Variants in HS1BP3 observed in about 807,000 individuals in gnomAD.
HS1BP3 encodes the protein HCLS1 binding protein 3, also known as HCLS1-binding protein 3.
In HS1BP3, 32 loss-of-function variants were observed where a neutral mutation model predicts 33.5. That is an observed-to-expected ratio of 0.95 (90% confidence interval 0.72 to 1.28). The LOEUF is 1.28. Ranked by LOEUF, HS1BP3 falls within the 50% of genes most tolerant of loss-of-function variation. The pLI, the probability that HS1BP3 is intolerant of heterozygous loss-of-function variation, is 0.00. For missense variants in HS1BP3, 486 were observed against 502.3 expected (o/e 0.97, Z 0.31); for synonymous variants, 187 against 209.2 (o/e 0.89, Z 0.92).
chr2:20,592,999 T>G (rs1693854797), intron 3 of HS1BP3, among the ~76,000 whole-genome samples: 1 of 152,186 alleles, frequency 6.6e-6, no homozygotes. Flanking sequence ...CATTACTCTG[T>G]GCTTCAAGGC....
At chr2:20,640,753 T>G (rs1401215166) in intron 3 of HS1BP3, 3 of 617,586 alleles carry the variant, frequency 4.9e-6, no homozygotes, top group East Asian at 5.5e-5. Context: ...GCCTGCTGTG[T>G]GAGCCCCCAC....
chr2:20,629,299 C>A (rs10175012), intron 4 of HS1BP3, among the ~76,000 whole-genome samples: 13,749 of 152,206 alleles, frequency 0.09, 667 homozygotes, highest in South Asian at 0.15. Context: ...CAATCCTCTC[C>A]TCCCTGGTCC....
At chr2:20,565,542 C>A (rs949253614) in intron 5 of HS1BP3, among the ~76,000 whole-genome samples, 5 of 152,234 alleles carry the variant, frequency 3.3e-5, no homozygotes, top group Non-Finnish European at 5.9e-5. Context: ...TTGACCCTGG[C>A]AGCCATCTGT....
rs550274631 is a variant in HS1BP3, at chr2:20,604,000, G to C, written c.179-5735C>G. Among the ~76,000 whole-genome samples the C allele has an allele frequency of 2.0e-5, 3 of 152,336 alleles. No individual in the cohort carries two copies. The East Asian group carries it at 5.8e-4, about 29-fold the overall frequency. On this transcript the variant is annotated intron_variant, in intron 2 of 3. Coordinates refer to the HS1BP3 transcript ENST00000415264. Reference sequence around the variant, plus strand: ...GAGCTCGGTAGGAGCCCAGTCCGCTGCTTCCCAGAGGGCCCTCCAAGACCC... The same window carrying C: ...GAGCTCGGTAGGAGCCCAGTCCGCTCCTTCCCAGAGGGCCCTCCAAGACCC...
At chr2:20,555,207 G>C in the HS1BP3 span, among the ~76,000 whole-genome samples, 1 of 152,188 alleles carries the variant, frequency 6.6e-6, no homozygotes, top group African/African-American at 2.4e-5. Flanking sequence ...CCAAAACAAG[G>C]CCTTTATCTG....
In HS1BP3 at chr2:20,621,308, T is replaced by C. The variant is rs1694594766; in HGVS notation, c.921-2063A>G. Among the ~76,000 whole-genome samples, 4 of 152,250 alleles carry C rather than the reference T, an allele frequency of 2.6e-5. No homozygotes were observed. In the South Asian group the frequency reaches 8.3e-4, roughly 31 times the overall value. The stretch of plus-strand genomic sequence containing the variant: ...CCGGACACCCTGCCTGCTTCCTGGC[T>C]CAACCTCCTGTGATGGGGCACAAAC... On this transcript the variant is annotated intron_variant, in intron 6 of 6. Transcript: ENST00000304031.
At chr2:20,628,100 C>T (rs1486067907) in intron 4 of HS1BP3, among the ~76,000 whole-genome samples, 8 of 152,162 alleles carry the variant, frequency 5.3e-5, no homozygotes, top group African/African-American at 1.7e-4. Flanking sequence ...ATCTCCTGGC[C>T]GACTCCACTG....
chr2:20,632,067 C>T (rs1694986100), intron 4 of HS1BP3, among the ~76,000 whole-genome samples: 1 of 152,204 alleles, frequency 6.6e-6, no homozygotes, highest in Admixed American at 6.5e-5. Context: ...CAAACATGCC[C>T]CACTTCCTGC....
chr2:20,557,808 T>C (rs1286340926), downstream of HS1BP3, among the ~76,000 whole-genome samples: 7 of 152,216 alleles, frequency 4.6e-5, no homozygotes, highest in Admixed American at 4.6e-4. Context: ...TGCAGAACCC[T>C]GCAGGGGCCA....
At chr2:20,599,465 A>G (rs1694020564) in intron 2 of HS1BP3, among the ~76,000 whole-genome samples, 1 of 152,208 alleles carries the variant, frequency 6.6e-6, no homozygotes, top group South Asian at 2.1e-4. Flanking sequence ...AGGTATTTTA[A>G]AATCAGATTT....
chr2:20,571,417 C>G (rs1271486837), intron 5 of HS1BP3, among the ~76,000 whole-genome samples: 1 of 152,200 alleles, frequency 6.6e-6, no homozygotes, highest in African/African-American at 2.4e-5. Context: ...TGAGGCAGCC[C>G]GGGCCTGTTC....
intron 5 of HS1BP3, among the ~76,000 whole-genome samples, chr2:20,624,309 T>C (rs1694701680): frequency 1.3e-5 from 2 of 152,058 alleles, no homozygotes; most frequent in Admixed American, 1.3e-4. Flanking sequence ...GCTCACCAAG[T>C]ATGGGCTGAA....
At chr2:20,649,289 C>T (rs1021702354) in intron 1 of HS1BP3, among the ~76,000 whole-genome samples, 1 of 152,238 alleles carries the variant, frequency 6.6e-6, no homozygotes, top group African/African-American at 2.4e-5. Flanking sequence ...GACCCTGGCT[C>T]CTGCTGTCCT....
chr2:20,618,853 G>A lies in HS1BP3; in HGVS notation c.*134C>T. On this transcript the variant is annotated 3_prime_UTR_variant, in exon 7 of 7. Coordinates refer to ENST00000304031, the MANE Select transcript of HS1BP3 (RefSeq NM_022460.4). ...GAGAAAATGGAACCATGCAGTTCTG[G>A]GTGCTGTGACCCAGGCTTCTGCCTG... 4.9e-6 allele frequency: 7 copies of A among 1,442,912 alleles called. No individual in the cohort carries two copies. The highest frequency in any genetic ancestry group is 1.5e-5 in the South Asian group (1 of 68,370). 89.4% of individuals were successfully genotyped at this position (1,442,912 alleles called of 1,614,324 possible). A position where few individuals can be genotyped will look rare whatever the true frequency, so the allele number is the denominator to read the frequency against.
At chr2:20,606,307 A>C (rs1445878227) in intron 2 of HS1BP3, 8 of 458,842 alleles carry the variant, frequency 1.7e-5, no homozygotes, top group African/African-American at 1.2e-4. Context: ...CAGCTGGTGC[A>C]TCTCCACCCT....
At chr2:20,574,038 C>G (rs1693340179) in intron 5 of HS1BP3, among the ~76,000 whole-genome samples, 1 of 152,236 alleles carries the variant, frequency 6.6e-6, no homozygotes, top group Non-Finnish European at 1.5e-5. Context: ...CTAGGTCCTT[C>G]CTGTGTGGGT....
chr2:20,560,802 G>A (rs112223186), intron 5 of HS1BP3, among the ~76,000 whole-genome samples: 194 of 152,224 alleles, frequency 1.3e-3, no homozygotes, highest in African/African-American at 4.4e-3. Context: ...GTCCCAAAGC[G>A]GTGGTGCCCC....
At chr2:20,591,233 C>T (rs1693806016), downstream of HS1BP3, 1 of 167,212 alleles carries the variant, frequency 6.0e-6, no homozygotes, top group Non-Finnish European at 1.5e-5. Context: ...CTGCCAGCCC[C>T]TTCCTCCACG....
intron 5 of HS1BP3, among the ~76,000 whole-genome samples, chr2:20,583,982 A>G (rs1693621928): frequency 6.6e-6 from 1 of 152,236 alleles, no homozygotes; most frequent in African/African-American, 2.4e-5. Flanking sequence ...ATTTGGTGCC[A>G]GGCTCACAGA....
Sources: gnomAD v4.1 joint callset for allele counts (sites outside exome capture counted in the v4.1 genomes callset) on GRCh38, gnomAD v4.1.1 for gene constraint, MANE v1.5 for transcripts, NCBI Gene and HGNC (gene_info 2026-07-23, HGNC 2026-07-21) for gene names.